Variants in ADGRB3 observed in about 807,000 individuals in gnomAD.
The protein encoded by ADGRB3 is brain-specific angiogenesis inhibitor 3.
ADGRB3 carries 37 observed loss-of-function variants against 193.4 expected under a neutral mutation model. The observed-to-expected ratio is 0.19, with a 90% CI of 0.15 to 0.25. ADGRB3 has a LOEUF of 0.25. Ranked by LOEUF, ADGRB3 falls within the 10% of genes least tolerant of loss-of-function variation. The probability of loss-of-function intolerance (pLI) is 1.00; values close to 1 mark genes in which losing one functional copy is unlikely to be tolerated. For synonymous variants in ADGRB3, 690 were observed against 644.2 expected (o/e 1.07, Z -1.08); for missense variants, 1,637 against 1,852.9 (o/e 0.88, Z 2.14).
At chr6:68,844,541 G>A (rs994719872) in intron 3 of ADGRB3, among the ~76,000 whole-genome samples, 2 of 152,162 alleles carry the variant, frequency 1.3e-5, no homozygotes, top group South Asian at 4.1e-4. Flanking sequence ...TGAACTGTTG[G>A]TGGGAATGTA....
intron 13 of ADGRB3, among the ~76,000 whole-genome samples, chr6:69,041,613 G>A (rs894532148): frequency 7.9e-5 from 11 of 138,986 alleles, no homozygotes; most frequent in African/African-American, 2.2e-4. Context: ...AATAAAGATA[G>A]CTCGTAGGAA....
chr6:69,169,079 G>A (rs1561940709), intron 17 of ADGRB3, among the ~76,000 whole-genome samples: 1 of 152,000 alleles, frequency 6.6e-6, no homozygotes, highest in African/African-American at 2.4e-5. Flanking sequence ...GGAAGTTTAT[G>A]TAGGAAAAAA....
rs141156664 is a variant in ADGRB3 at position 69,089,394 on chromosome 6, G to A, written c.2480+13356G>A. On this transcript the variant is annotated intron_variant, in intron 17 of 31. Transcript: ENST00000370598. Reference sequence around the variant, plus strand: ...AATGTCAATTAGGTGCTCATAAATTGTATATTAAAGGGAAAATTTTTGAAT... The same window carrying A: ...AATGTCAATTAGGTGCTCATAAATTATATATTAAAGGGAAAATTTTTGAAT... Among the ~76,000 whole-genome samples the A allele has an allele frequency of 6.5e-3, 984 of 152,154 alleles. 10 individuals carry two copies. Among genetic ancestry groups the A allele is most frequent in the Non-Finnish European group, 0.01 (712 of 67,976 alleles).
chr6:69,264,841 G>T (rs1405301769), intron 20 of ADGRB3, among the ~76,000 whole-genome samples: 1 of 151,858 alleles, frequency 6.6e-6, no homozygotes, highest in Admixed American at 6.6e-5. Context: ...ATACTCTCAG[G>T]GTTTTGTTCA....
At chr6:69,265,957 A>T (rs929168855) in intron 20 of ADGRB3, among the ~76,000 whole-genome samples, 3 of 152,056 alleles carry the variant, frequency 2.0e-5, no homozygotes, top group African/African-American at 7.2e-5. Context: ...CTAACTGAAA[A>T]AAAATTACAG....
intron 3 of ADGRB3, among the ~76,000 whole-genome samples, chr6:68,840,194 G>A (rs1185769801): frequency 6.6e-6 from 1 of 151,948 alleles, no homozygotes; most frequent in African/African-American, 2.4e-5. Context: ...AGTGTATTTG[G>A]GGGACACGTG....
In ADGRB3 at chr6:68,637,794, G is replaced by A. The variant is rs566813351; in HGVS notation, c.-16+232G>A. ...AGACTGAAACCAGCTCAATTACTAT[G>A]GTTCTGGATTTTTTTTTTTTTTAAC... is the stretch of plus-strand genomic sequence containing the variant. On this transcript the variant is annotated intron_variant, in intron 2 of 31. Transcript: ENST00000370598. Among the ~76,000 whole-genome samples the A allele has an allele frequency of 7.6e-5, 9 of 118,302 alleles. No homozygotes were observed. The South Asian group carries it at 2.6e-3, about 34-fold the overall frequency. The allele number at this position is 118,302 out of a possible 152,430, so 77.6% of individuals were successfully genotyped here.
At chr6:68,912,277 G>A (rs1243455190) in intron 3 of ADGRB3, among the ~76,000 whole-genome samples, 2 of 151,708 alleles carry the variant, frequency 1.3e-5, no homozygotes, top group Non-Finnish European at 2.9e-5. Flanking sequence ...CTTCCAGAAT[G>A]AATCTACTGT....
In ADGRB3 at chr6:69,060,220, TTCTCTCTCTCTC is replaced by T. The variant is rs556453350; in HGVS notation, c.2334-2695_2334-2684del. Among the ~76,000 whole-genome samples the T allele has an allele frequency of 3.9e-5, 5 of 129,634 alleles. No individual in the cohort carries two copies. In the East Asian group the frequency reaches 9.1e-4, roughly 24 times the overall value. The allele number at this position is 129,634 out of a possible 152,430, so 85.0% of individuals were successfully genotyped here. Reference sequence around the variant, plus strand: ...TCTCTTTCTCTGTCTCTCTCTCTCTTTCTCTCTCTCTCTCTCTCTCTCTCTCTCTCCTCCTCT... The same window carrying T: ...TCTCTTTCTCTGTCTCTCTCTCTCTTTCTCTCTCTCTCTCTCTCCTCCTCT... On this transcript the variant is annotated intron_variant, in intron 15 of 31. Transcript: ENST00000370598.
chr6:69,207,820 A>G (rs1443082449), intron 17 of ADGRB3, among the ~76,000 whole-genome samples: 1 of 152,120 alleles, frequency 6.6e-6, no homozygotes, highest in South Asian at 2.1e-4. Context: ...GTCAGAGGCA[A>G]TGTTGTGTGG....
chr6:69,116,409 A>G (rs1237267607), intron 17 of ADGRB3, among the ~76,000 whole-genome samples: 1 of 152,178 alleles, frequency 6.6e-6, no homozygotes, highest in African/African-American at 2.4e-5. Flanking sequence ...ACTCAGAACT[A>G]ATACTAAATT....
intron 17 of ADGRB3, among the ~76,000 whole-genome samples, chr6:69,142,237 G>T (rs977774029): frequency 3.3e-5 from 5 of 151,912 alleles, no homozygotes; most frequent in African/African-American, 9.7e-5. Context: ...TCCACAGGAA[G>T]ATTTCAAGTG....
At chr6:68,779,001 G>A (rs1259470562) in intron 3 of ADGRB3, among the ~76,000 whole-genome samples, 1 of 152,000 alleles carries the variant, frequency 6.6e-6, no homozygotes, top group Non-Finnish European at 1.5e-5. Flanking sequence ...AGCGATTTTA[G>A]TGGGTGATGA....
chr6:68,754,738 T>TA (rs752997546), intron 3 of ADGRB3, among the ~76,000 whole-genome samples: 143 of 52,878 alleles, frequency 2.7e-3, no homozygotes, highest in Non-Finnish European at 4.4e-3. Flanking sequence ...ATAAGGAAAT[T>TA]TAAAAAAAAA....
intron 20 of ADGRB3, among the ~76,000 whole-genome samples, chr6:69,263,400 C>A (rs1015322889): frequency 1.3e-5 from 2 of 151,996 alleles, no homozygotes; most frequent in Non-Finnish European, 2.9e-5. Flanking sequence ...CGCATGATGG[C>A]ACCTAAATGA....
At chr6:69,010,613 T>C (rs191261289) in intron 11 of ADGRB3, among the ~76,000 whole-genome samples, 3 of 152,044 alleles carry the variant, frequency 2.0e-5, no homozygotes, top group Admixed American at 1.3e-4. Context: ...ATTCAAGATA[T>C]AAAGCATAGG....
At chr6:68,850,388 T>A (rs919116436) in intron 3 of ADGRB3, among the ~76,000 whole-genome samples, 5 of 151,934 alleles carry the variant, frequency 3.3e-5, no homozygotes, top group Non-Finnish European at 5.9e-5. Context: ...GGGTTACATT[T>A]TTGTTACTTT....
intron 3 of ADGRB3, among the ~76,000 whole-genome samples, chr6:68,688,854 T>A (rs1765024620): frequency 1.3e-5 from 2 of 152,170 alleles, no homozygotes; most frequent in South Asian, 4.1e-4. Context: ...TGGAATGGAT[T>A]TCTGAAGTCT....
chr6:68,812,813 A>C (rs113954532), intron 3 of ADGRB3, among the ~76,000 whole-genome samples: 3 of 151,440 alleles, frequency 2.0e-5, no homozygotes, highest in Non-Finnish European at 4.4e-5. Flanking sequence ...TCCTAATGCT[A>C]TCCCTCCCCT....
Sources: allele counts gnomAD v4.1 joint callset (sites outside exome capture counted in the v4.1 genomes callset), GRCh38; gene constraint gnomAD v4.1.1; transcripts MANE v1.5; gene names NCBI Gene and HGNC (gene_info 2026-07-23, HGNC 2026-07-21).